DNAAF9: variants seen among roughly 807,000 people sequenced by gnomAD.
DNAAF9 encodes shulin.
In DNAAF9, 90 loss-of-function variants were observed where a neutral mutation model predicts 167.0. The observed-to-expected ratio is 0.54, with a 90% CI of 0.45 to 0.64. DNAAF9 has a LOEUF of 0.64. Among genes scored for constraint, DNAAF9 ranks in the 30% least tolerant of loss-of-function variants. The pLI is 0.00. For missense variants in DNAAF9, 1,315 were observed against 1,442.2 expected (o/e 0.91, Z 1.43); for synonymous variants, 491 against 508.8 (o/e 0.96, Z 0.47).
intron 9 of DNAAF9, among the ~76,000 whole-genome samples, chr20:3,341,817 G>A (rs992606124): frequency 1.3e-5 from 2 of 151,738 alleles, no homozygotes; most frequent in African/African-American, 2.4e-5. Flanking sequence ...TTGCTCTGTC[G>A]CCCAGGCTGG....
At chr20:3,377,949 T>C (rs1844445889) in intron 3 of DNAAF9, among the ~76,000 whole-genome samples, 2 of 152,162 alleles carry the variant, frequency 1.3e-5, no homozygotes, top group African/African-American at 4.8e-5. Flanking sequence ...TATTTTTGGT[T>C]TACAGCTTCA....
intron 1 of DNAAF9, among the ~76,000 whole-genome samples, chr20:3,406,169 G>A (rs2084051962): frequency 6.6e-6 from 1 of 151,992 alleles, no homozygotes; most frequent in Non-Finnish European, 1.5e-5. Flanking sequence ...AGGAATGCAG[G>A]GAAGTAAAAA....
At chr20:3,296,550 T>C (rs1435595404) in intron 23 of DNAAF9, 3 of 329,028 alleles carry the variant, frequency 9.1e-6, no homozygotes, top group Admixed American at 4.6e-5. Flanking sequence ...GCTAATTTTT[T>C]ATTTTTTGTA....
chr20:3,292,304 ACC>A (rs1374060127), intron 25 of DNAAF9, among the ~76,000 whole-genome samples: 26 of 152,118 alleles, frequency 1.7e-4, no homozygotes, highest in African/African-American at 6.0e-4. Flanking sequence ...CTGGGCGAGC[ACC>A]TTTTAATAAA....
chr20:3,306,243 C>G (rs1328296067), intron 20 of DNAAF9, among the ~76,000 whole-genome samples: 1 of 152,210 alleles, frequency 6.6e-6, no homozygotes, highest in African/African-American at 2.4e-5. Context: ...CCCCATCCCC[C>G]TTTTAGCTGT....
At chr20:3,284,374 G>A (rs1165704355) in intron 27 of DNAAF9, among the ~76,000 whole-genome samples, 4 of 151,798 alleles carry the variant, frequency 2.6e-5, no homozygotes, top group Non-Finnish European at 5.9e-5. Context: ...TAGAGACAGG[G>A]TTTCCTCATG....
chr20:3,334,200 T>C (rs527714010), intron 10 of DNAAF9, among the ~76,000 whole-genome samples: 1 of 152,330 alleles, frequency 6.6e-6, no homozygotes, highest in African/African-American at 2.4e-5. Flanking sequence ...AAATGTTTAC[T>C]TCTAGACAAG....
chr20:3,352,261 A>G (rs2070340078), intron 7 of DNAAF9, among the ~76,000 whole-genome samples: 2 of 152,168 alleles, frequency 1.3e-5, no homozygotes, highest in South Asian at 2.1e-4. Flanking sequence ...ATGCTTTGCC[A>G]TACCACCTCT....
At chr20:3,268,757 AT>A (rs2068532512) in intron 30 of DNAAF9, among the ~76,000 whole-genome samples, 1 of 152,182 alleles carries the variant, frequency 6.6e-6, no homozygotes, top group African/African-American at 2.4e-5. Context: ...TTTTATCTGA[AT>A]TGAGCAAACA....
intron 3 of DNAAF9, among the ~76,000 whole-genome samples, chr20:3,380,984 A>C (rs1383292627): frequency 6.6e-6 from 1 of 152,188 alleles, no homozygotes; most frequent in Non-Finnish European, 1.5e-5. Flanking sequence ...AGCCACAAGA[A>C]ATCTTCCTTG....
intron 29 of DNAAF9, among the ~76,000 whole-genome samples, chr20:3,275,534 A>G (rs954588719): frequency 1.3e-5 from 2 of 152,238 alleles, no homozygotes; most frequent in African/African-American, 4.8e-5. Flanking sequence ...ATTCTAGGTC[A>G]GGAACTGGGC....
intron 14 of DNAAF9, among the ~76,000 whole-genome samples, chr20:3,324,571 T>A (rs1342666381): frequency 6.6e-6 from 1 of 152,220 alleles, no homozygotes; most frequent in Non-Finnish European, 1.5e-5. Context: ...CCTCTGCCCC[T>A]AGAAACCTCA....
In DNAAF9 at chr20:3,349,184, G is replaced by A. The variant is rs192645059; in HGVS notation, c.691-561C>T. ...AGCTTGGGCAACATGATGAGACCTC[G>A]TCTCTACCAAAAAAAAAAACAAAAA... On this transcript the variant is annotated intron_variant, in intron 7 of 36. Transcript: ENST00000252032. Among the ~76,000 whole-genome samples, 28 of 90,302 alleles carry A rather than the reference G, an allele frequency of 3.1e-4. No homozygotes were observed. The East Asian group carries it at 6.1e-3, about 20-fold the overall frequency. The allele number at this position is 90,302 out of a possible 152,430, so 59.2% of individuals were successfully genotyped here. A position where few individuals can be genotyped will look rare whatever the true frequency, so the allele number is the denominator to read the frequency against.
chr20:3,369,010 T>C (rs2083473109), intron 6 of DNAAF9, among the ~76,000 whole-genome samples: 1 of 151,978 alleles, frequency 6.6e-6, no homozygotes, highest in South Asian at 2.1e-4. Context: ...ATGCCTGTAA[T>C]CCCAGCTTCT....
chr20:3,296,893 C>G lies in DNAAF9; in HGVS notation c.1986G>C (p.Gln662His), dbSNP rs201188993. The G allele has an allele frequency of 8.1e-5, 130 of 1,611,314 alleles. 2 individuals carry two copies. The South Asian group carries it at 1.4e-3, about 17-fold the overall frequency. ...TTTGTTCCACAGATAATCCATCTTC[C>G]TGGATCACTTTTAAAGAGATCCCTG... The part of the protein sequence containing the change: ...DNSGISLKVI[Q>H]EDGLSVEQKR... The change falls in exon 23 of 37, where the codon CAG becomes CAC. Residue 662 changes from glutamine to histidine, a missense_variant. Around this residue, in one of 2 missense-constraint regions of DNAAF9, gnomAD observed 981 missense variants for 1,012.5 expected, o/e 0.97. Transcript: ENST00000252032.
At chr20:3,360,809 G>A (rs1334209835) in intron 6 of DNAAF9, among the ~76,000 whole-genome samples, 1 of 152,182 alleles carries the variant, frequency 6.6e-6, no homozygotes, top group Non-Finnish European at 1.5e-5. Context: ...AAAAGCAAAA[G>A]CCATTACATG....
At chr20:3,294,039 C>T in intron 25 of DNAAF9, 100 bp downstream of exon 25, 4 of 721,358 alleles carry the variant, frequency 5.5e-6, no homozygotes, top group Non-Finnish European at 1.0e-5. Flanking sequence ...AACAGGGACT[C>T]CATCTAAGTT....
chr20:3,390,035 CAAAAAA>C (rs1162463454), intron 1 of DNAAF9, among the ~76,000 whole-genome samples: 1 of 87,770 alleles, frequency 1.1e-5, no homozygotes, highest in Non-Finnish European at 2.4e-5. Flanking sequence ...GACTCCATCT[CAAAAAA>C]AAAAAAAAAA....
chr20:3,373,911 A>G (rs7271185), intron 6 of DNAAF9, 137 bp downstream of exon 6: 14,003 of 597,024 alleles, frequency 0.023, 225 homozygotes, highest in African/African-American at 0.056. Flanking sequence ...TTCCATTTCA[A>G]GTCTCCTAAC....
Sources: gnomAD v4.1 joint callset for allele counts (sites outside exome capture counted in the v4.1 genomes callset) on GRCh38, gnomAD v4.1.1 for gene constraint, gnomAD v4.1.1 regional missense constraint, MANE v1.5 for transcripts, NCBI Gene and HGNC (gene_info 2026-07-23, HGNC 2026-07-21) for gene names.